ARHGEF9: variants seen among roughly 807,000 people sequenced by gnomAD.
ARHGEF9 encodes Cdc42 guanine nucleotide exchange factor 9.
A neutral mutation model predicts 41.3 loss-of-function variants in ARHGEF9; 2 were observed. That is an observed-to-expected ratio of 0.05 (90% CI 0.02 to 0.15). The LOEUF is 0.15. Among genes scored for constraint, ARHGEF9 ranks in the 10% least tolerant of loss-of-function variants. The pLI, the probability that ARHGEF9 is intolerant of heterozygous loss-of-function variation, is 1.00. For synonymous variants in ARHGEF9, 160 were observed against 154.4 expected, an observed-to-expected ratio of 1.04 and a Z score of -0.27; for missense variants, 225 against 424.7, an observed-to-expected ratio of 0.53 and a Z score of 4.13.
chrX:63,643,794 T>C (rs1215622901), intron 9 of ARHGEF9, among the ~76,000 whole-genome samples, 186 bp downstream of exon 9: 1 of 111,072 alleles, frequency 9.0e-6, no homozygotes, highest in Non-Finnish European at 1.9e-5. Flanking sequence ...CAATACCCTA[T>C]ACTATTCACT....
intron 3 of ARHGEF9, among the ~76,000 whole-genome samples, chrX:63,698,668 C>T (rs1556391727): frequency 1.8e-5 from 2 of 111,081 alleles, no homozygotes; most frequent in Non-Finnish European, 3.8e-5. Flanking sequence ...CAAGAAGATC[C>T]TCATCCCTGG....
intron 1 of ARHGEF9, among the ~76,000 whole-genome samples, chrX:63,772,154 C>T (rs1490906604): frequency 3.6e-5 from 4 of 112,432 alleles, no homozygotes; most frequent in African/African-American, 1.3e-4. Context: ...CTCAAAATTA[C>T]ACAGCTGGTC....
intron 3 of ARHGEF9, among the ~76,000 whole-genome samples, chrX:63,699,370 C>T (rs2051997162): frequency 9.0e-6 from 1 of 111,695 alleles, no homozygotes; most frequent in Non-Finnish European, 1.9e-5. Flanking sequence ...GCTGAGAAGC[C>T]AGTTCAGAAA....
intron 7 of ARHGEF9, among the ~76,000 whole-genome samples, chrX:63,660,039 G>A (rs1298546848): frequency 9.0e-6 from 1 of 111,623 alleles, no homozygotes; most frequent in Non-Finnish European, 1.9e-5. Flanking sequence ...TCCCATTATC[G>A]GGTATGTACC....
intron 7 of ARHGEF9, among the ~76,000 whole-genome samples, chrX:63,665,415 A>C (rs782599992): frequency 2.7e-5 from 3 of 112,617 alleles, no homozygotes; most frequent in Non-Finnish European, 3.8e-5. Flanking sequence ...CCTATATCAC[A>C]AAGGTACCTA....
chrX:63,738,035 C>T (rs1326260818), intron 1 of ARHGEF9, among the ~76,000 whole-genome samples: 1 of 112,085 alleles, frequency 8.9e-6, no homozygotes, highest in Non-Finnish European at 1.9e-5. Flanking sequence ...TTCAGAAAAA[C>T]AATGAAGTAA....
intron 6 of ARHGEF9, among the ~76,000 whole-genome samples, chrX:63,668,438 T>C (rs1306100758): frequency 8.1e-5 from 9 of 111,450 alleles, no homozygotes; most frequent in African/African-American, 2.0e-4. Flanking sequence ...GTGCCCAGCA[T>C]CAATTATATT....
At chrX:63,720,247 G>C (rs1431144474) in intron 2 of ARHGEF9, among the ~76,000 whole-genome samples, 6 of 111,974 alleles carry the variant, frequency 5.4e-5, no homozygotes, top group African/African-American at 1.9e-4. Flanking sequence ...CTTGGATCCA[G>C]ATGTTTAAAG....
At chrX:63,726,442 G>A (rs1385976954) in intron 1 of ARHGEF9, among the ~76,000 whole-genome samples, 3 of 111,664 alleles carry the variant, frequency 2.7e-5, no homozygotes, top group Non-Finnish European at 5.6e-5. Flanking sequence ...GGGTTCAAGC[G>A]ATTCTGGTGT....
intron 1 of ARHGEF9, among the ~76,000 whole-genome samples, chrX:63,755,535 TAATG>T (rs782284478): frequency 4.6e-5 from 5 of 107,852 alleles, no homozygotes; most frequent in Non-Finnish European, 9.6e-5. Flanking sequence ...AGAGGGAAGA[TAATG>T]AAGAAAGAGA....
intron 9 of ARHGEF9, chrX:63,642,425 C>A (rs2047696568): frequency 8.9e-6 from 1 of 111,907 alleles, no homozygotes; most frequent in Non-Finnish European, 1.9e-5. Context: ...AATTCCCCAC[C>A]TTAAATTAAC....
chrX:63,754,764 C>T, intron 1 of ARHGEF9: 1 of 948,789 alleles, frequency 1.1e-6, no homozygotes, highest in Non-Finnish European at 1.3e-6. Flanking sequence ...GGGATGGGGA[C>T]GGGGTGCTTG....
chrX:63,682,714 A>G (rs1217973103), intron 4 of ARHGEF9, among the ~76,000 whole-genome samples: 4 of 112,085 alleles, frequency 3.6e-5, no homozygotes, highest in African/African-American at 1.3e-4. Flanking sequence ...TACATTAGCA[A>G]AAGGAATAAT....
At chrX:63,742,000 T>A (rs2054992133) in intron 1 of ARHGEF9, among the ~76,000 whole-genome samples, 1 of 112,179 alleles carries the variant, frequency 8.9e-6, no homozygotes, top group African/African-American at 3.2e-5. Context: ...GCTGAACCAA[T>A]TTTCTTCCCC....
chrX:63,782,215 C>A (rs2056393412), intron 1 of ARHGEF9, among the ~76,000 whole-genome samples: 1 of 111,628 alleles, frequency 9.0e-6, no homozygotes, highest in East Asian at 2.8e-4. Context: ...AGTGTCATTT[C>A]ATAGCAGATC....
At chrX:63,675,772 G>GT (rs2050225694) in intron 5 of ARHGEF9, among the ~76,000 whole-genome samples, 1 of 111,497 alleles carries the variant, frequency 9.0e-6, no homozygotes, top group African/African-American at 3.3e-5. Context: ...ATCCTATCCA[G>GT]TTTTTTTCTG....
At chrX:63,648,397 T>G (rs1301793681) in intron 8 of ARHGEF9, among the ~76,000 whole-genome samples, 1 of 110,995 alleles carries the variant, frequency 9.0e-6, no homozygotes, top group African/African-American at 3.3e-5. Context: ...GACAAGCAAA[T>G]GCTGAGAGAT....
chrX:63,670,837 T>C (rs1166679832), intron 6 of ARHGEF9, among the ~76,000 whole-genome samples: 1 of 112,024 alleles, frequency 8.9e-6, no homozygotes, highest in African/African-American at 3.2e-5. Flanking sequence ...TCAGGAACTC[T>C]AGTCCCTATA....
chrX:63,682,247 G>T (rs1164115209), intron 4 of ARHGEF9, among the ~76,000 whole-genome samples: 3 of 111,497 alleles, frequency 2.7e-5, no homozygotes, highest in Non-Finnish European at 5.7e-5. Context: ...AGGCGCTGTG[G>T]CTCACGCCTA....
Sources: allele counts gnomAD v4.1 joint callset (sites outside exome capture counted in the v4.1 genomes callset), GRCh38; gene constraint gnomAD v4.1.1; transcripts MANE v1.5; gene names NCBI Gene and HGNC (gene_info 2026-07-23, HGNC 2026-07-21).